INPP5D: variants seen among roughly 807,000 people sequenced by gnomAD.
The protein encoded by INPP5D is inositol polyphosphate-5-phosphatase D.
A neutral mutation model predicts 122.9 loss-of-function variants in INPP5D; 33 were observed. The observed-to-expected ratio is 0.27, with a 90% CI of 0.20 to 0.36. The LOEUF (loss-of-function observed/expected upper bound fraction) is 0.36. Among genes scored for constraint, INPP5D ranks in the 10% least tolerant of loss-of-function variants. The pLI is 1.00. For missense variants in INPP5D, 1,053 were observed against 1,412.7 expected (o/e 0.75, Z 4.08); for synonymous variants, 584 against 576.2 (o/e 1.01, Z -0.19).
chr2:233,119,131 G>C (rs183806008), intron 2 of INPP5D, among the ~76,000 whole-genome samples: 9 of 152,296 alleles, frequency 5.9e-5, no homozygotes, highest in Admixed American at 5.2e-4. Context: ...ATAAAATAAC[G>C]TGTCTTACTT....
chr2:233,154,366 C>T (rs1300089745), intron 9 of INPP5D, among the ~76,000 whole-genome samples: 2 of 152,184 alleles, frequency 1.3e-5, no homozygotes, highest in Non-Finnish European at 2.9e-5. Context: ...CCAGGCTGGT[C>T]TCAAACTCCT....
intron 2 of INPP5D, among the ~76,000 whole-genome samples, chr2:233,121,505 A>C (rs903132554): frequency 1.9e-5 from 2 of 104,630 alleles, no homozygotes; most frequent in African/African-American, 7.5e-5. Flanking sequence ...TTTGTATAAA[A>C]ATACTTTTAT....
intron 14 of INPP5D, 146 bp downstream of exon 14, chr2:233,169,547 CA>C: frequency 1.6e-6 from 2 of 1,269,270 alleles, no homozygotes; most frequent in South Asian, 3.1e-5. Context: ...ACCACAGTCT[CA>C]TCAAAGGCAA....
chr2:233,184,293 C>T lies in INPP5D; in HGVS notation c.2162-115C>T, dbSNP rs1694853667. On this transcript the variant is annotated intron_variant, in intron 19 of 26. Transcript: ENST00000445964. ...TAGCTTTAGTTCTCCTCCCACTAGA[C>T]TCCCACCTTCCTGGGACCCTGAGAA... 9.8e-6 allele frequency: 14 copies of T among 1,422,442 alleles called. No individual in the cohort carries two copies. The South Asian group carries it at 1.7e-4, about 17-fold the overall frequency. 88.1% of individuals were successfully genotyped at this position (1,422,442 alleles called of 1,614,324 possible). A position where few individuals can be genotyped will look rare whatever the true frequency, so the allele number is the denominator to read the frequency against.
chr2:233,146,580 T>A, intron 8 of INPP5D, 142 bp downstream of exon 8: 1 of 664,580 alleles, frequency 1.5e-6, no homozygotes, highest in Non-Finnish European at 2.8e-6. Context: ...GGCAGTCAGT[T>A]GACCTTTGTC....
At chr2:233,107,237 A>G (rs1692493287) in intron 2 of INPP5D, among the ~76,000 whole-genome samples, 1 of 152,082 alleles carries the variant, frequency 6.6e-6, no homozygotes, top group Non-Finnish European at 1.5e-5. Context: ...CAGCCTGGGG[A>G]GGATGGCCTG....
At chr2:233,070,855 T>A (rs938523514) in intron 1 of INPP5D, among the ~76,000 whole-genome samples, 1 of 152,398 alleles carries the variant, frequency 6.6e-6, no homozygotes, top group East Asian at 1.9e-4. Flanking sequence ...ATATGTATCA[T>A]GTTTTTAGCA....
At chr2:233,156,038 G>C (rs1694044294) in intron 9 of INPP5D, among the ~76,000 whole-genome samples, 1 of 152,232 alleles carries the variant, frequency 6.6e-6, no homozygotes, top group Admixed American at 6.5e-5. Context: ...AAAATCAGCT[G>C]AGGGAAAAGA....
At chr2:233,080,284 A>C (rs1344711829) in intron 2 of INPP5D, among the ~76,000 whole-genome samples, 1 of 152,160 alleles carries the variant, frequency 6.6e-6, no homozygotes, top group Non-Finnish European at 1.5e-5. Context: ...CGGGAAGGCC[A>C]CCCTAAGCAC....
intron 1 of INPP5D, among the ~76,000 whole-genome samples, chr2:233,069,236 C>T (rs964263460): frequency 1.3e-5 from 2 of 152,142 alleles, no homozygotes; most frequent in Admixed American, 6.5e-5. Context: ...GGGCTGTCCC[C>T]GAGAGATCAT....
intron 4 of INPP5D, among the ~76,000 whole-genome samples, chr2:233,126,148 G>C (rs1574748182): frequency 6.6e-6 from 1 of 152,364 alleles, no homozygotes; most frequent in South Asian, 2.1e-4. Flanking sequence ...CACGGGGGTG[G>C]GGGAGCACTC....
chr2:233,092,801 G>A (rs982859793), intron 2 of INPP5D, among the ~76,000 whole-genome samples: 2 of 152,154 alleles, frequency 1.3e-5, no homozygotes, highest in South Asian at 4.1e-4. Context: ...TCCATCTTGA[G>A]ACAGGCCAAG....
At chr2:233,080,862 C>T (rs1446449032) in intron 2 of INPP5D, among the ~76,000 whole-genome samples, 3 of 152,098 alleles carry the variant, frequency 2.0e-5, no homozygotes, top group East Asian at 1.9e-4. Flanking sequence ...CTTCGAGGAG[C>T]GATGTGATTG....
At chr2:233,193,345 C>T (rs1428642836) in intron 22 of INPP5D, among the ~76,000 whole-genome samples, 1 of 152,182 alleles carries the variant, frequency 6.6e-6, no homozygotes, top group Non-Finnish European at 1.5e-5. Flanking sequence ...TTGTGTGAAA[C>T]GTCTGTCTGT....
intron 6 of INPP5D, chr2:233,140,942 T>A (rs2106274011): frequency 6.6e-6 from 1 of 152,318 alleles, no homozygotes; most frequent in South Asian, 2.1e-4. Context: ...GAATAGCCAG[T>A]ATAGATATGA....
chr2:233,071,111 T>A (rs1200924919), intron 1 of INPP5D, among the ~76,000 whole-genome samples: 1 of 149,450 alleles, frequency 6.7e-6, no homozygotes, highest in African/African-American at 2.5e-5. Flanking sequence ...CTGTCTCTAC[T>A]AAAGATACAA....
intron 25 of INPP5D, among the ~76,000 whole-genome samples, chr2:233,200,017 C>A (rs1368549738): frequency 6.6e-6 from 1 of 152,116 alleles, no homozygotes; most frequent in African/African-American, 2.4e-5. Context: ...CTGTAGGGGA[C>A]ACTTAGTTAG....
intron 4 of INPP5D, among the ~76,000 whole-genome samples, chr2:233,126,919 T>TAA (rs34152360): frequency 4.5e-4 from 66 of 147,260 alleles, no homozygotes; most frequent in Middle Eastern, 7.1e-3. Context: ...AAACTGCGTC[T>TAA]AAAAAAAAAA....
intron 4 of INPP5D, among the ~76,000 whole-genome samples, chr2:233,127,924 A>G (rs1180154101): frequency 6.6e-6 from 1 of 152,244 alleles, no homozygotes; most frequent in East Asian, 1.9e-4. Flanking sequence ...AAACATTTTA[A>G]CAAATAGAAC....
Sources: gnomAD v4.1 joint callset for allele counts (sites outside exome capture counted in the v4.1 genomes callset) on GRCh38, gnomAD v4.1.1 for gene constraint, MANE v1.5 for transcripts, NCBI Gene and HGNC (gene_info 2026-07-23, HGNC 2026-07-21) for gene names.